The following CUL1 variants were observed in gnomAD, a reference collection of about 807,000 sequenced individuals.
CUL1 encodes the protein cullin-1.
A neutral mutation model predicts 118.0 loss-of-function variants in CUL1; 24 were observed. The ratio of observed to expected loss-of-function variants is 0.20; its 90% CI spans 0.15 to 0.29. CUL1 has a LOEUF of 0.29. CUL1 is among the 10% of genes least tolerant of loss of function. The pLI is 1.00. For missense variants in CUL1, 361 were observed against 933.8 expected, an observed-to-expected ratio of 0.39 and a Z score of 7.99; for synonymous variants, 332 against 340.4, an observed-to-expected ratio of 0.98 and a Z score of 0.27.
At chr7:148,725,776 ATTAG>A (rs1249006749) in intron 1 of CUL1, among the ~76,000 whole-genome samples, 1 of 152,172 alleles carries the variant, frequency 6.6e-6, no homozygotes, top group Non-Finnish European at 1.5e-5. Flanking sequence ...TCTTTGCTGT[ATTAG>A]TTATTAATGT....
At chr7:148,792,675 T>C (rs534533939) in intron 16 of CUL1, 51 bp from the exon 17 acceptor site, 74 of 1,344,852 alleles carry the variant, frequency 5.5e-5, no homozygotes, top group Non-Finnish European at 7.7e-5. Flanking sequence ...GGGAGGTGTT[T>C]CCATGCATGT....
At chr7:148,795,702 G>A (rs1036758506) in intron 17 of CUL1, among the ~76,000 whole-genome samples, 24 of 150,392 alleles carry the variant, frequency 1.6e-4, no homozygotes, top group Non-Finnish European at 1.3e-4. Flanking sequence ...CCCAGGAGGC[G>A]CAGCTTGCAG....
chr7:148,745,440 C>A (rs1036499558), intron 2 of CUL1, among the ~76,000 whole-genome samples: 1 of 152,188 alleles, frequency 6.6e-6, no homozygotes, highest in Admixed American at 6.5e-5. Flanking sequence ...CAACACTAGG[C>A]CACTTTTCAG....
At chr7:148,797,324 A>G (rs1801234326) in intron 17 of CUL1, among the ~76,000 whole-genome samples, 1 of 149,984 alleles carries the variant, frequency 6.7e-6, no homozygotes, top group East Asian at 2.0e-4. Flanking sequence ...CAGGTTCAAC[A>G]TCCCTAATCC....
chr7:148,753,914 T>A, intron 2 of CUL1, 62 bp from the exon 3 acceptor site: 1 of 1,264,102 alleles, frequency 7.9e-7, no homozygotes, highest in Non-Finnish European at 1.1e-6. Flanking sequence ...TAAGAAAATA[T>A]GTTTATGTTA....
intron 1 of CUL1, among the ~76,000 whole-genome samples, chr7:148,700,095 C>T (rs940866991): frequency 6.6e-6 from 1 of 152,200 alleles, no homozygotes; most frequent in African/African-American, 2.4e-5. Flanking sequence ...GATTGGGTCA[C>T]TCTTGGTTGC....
chr7:148,766,320 C>T (rs963202759), intron 7 of CUL1, among the ~76,000 whole-genome samples: 3 of 152,012 alleles, frequency 2.0e-5, no homozygotes, highest in South Asian at 2.1e-4. Flanking sequence ...GAGACAGGGT[C>T]GCACTGTGTT....
chr7:148,758,470 AT>A (rs1285254405), intron 4 of CUL1, among the ~76,000 whole-genome samples: 1 of 152,152 alleles, frequency 6.6e-6, no homozygotes, highest in African/African-American at 2.4e-5. Context: ...TACAAAAAAA[AT>A]ATCCAGGCAT....
At position 148,800,429 on chromosome 7, in the gene CUL1, T is replaced by C. The variant is rs780140248; in HGVS notation, c.2251-73T>C. 2.4e-4 allele frequency: 294 copies of C among 1,236,786 alleles called. No individual in the cohort carries two copies. Among genetic ancestry groups the C allele is most frequent in the Non-Finnish European group, 3.1e-4 (260 of 846,126 alleles). The allele number at this position is 1,236,786 out of a possible 1,614,324, so 76.6% of individuals were successfully genotyped here. A position where few individuals can be genotyped will look rare whatever the true frequency, so the allele number is the denominator to read the frequency against. Reference sequence around the variant, plus strand: ...GGGGAGATTTGTGGTGGGGGCAGCCTCTCTCTGTTCTGATGATAATTTGTG... The same window carrying C: ...GGGGAGATTTGTGGTGGGGGCAGCCCCTCTCTGTTCTGATGATAATTTGTG... On this transcript the variant is annotated intron_variant, in intron 21 of 21. Transcript: ENST00000325222. This position sits in a 1 kb window ranked among gnomAD's most constrained non-coding sequence, Gnocchi z 4.6.
In CUL1 at chr7:148,800,266, G is replaced by A. The variant is rs930475640; in HGVS notation, c.2251-236G>A. ...GAAGCACCTGACTCCAGTTCCTAGG[G>A]CGGGTGCAGGAGGGACTCGGAGTCA... On this transcript the variant is annotated intron_variant, in intron 21 of 21. Transcript: ENST00000325222. The surrounding 1 kb of genome is among the most constrained non-coding windows in gnomAD (Gnocchi z 4.6). Among the ~76,000 whole-genome samples the A allele has an allele frequency of 6.6e-6, 1 of 152,202 alleles. No homozygotes were observed. Among genetic ancestry groups the A allele is most frequent in the African/African-American group, 2.4e-5 (1 of 41,450 alleles).
At chr7:148,741,984 C>G (rs1799156003) in intron 2 of CUL1, among the ~76,000 whole-genome samples, 1 of 152,212 alleles carries the variant, frequency 6.6e-6, no homozygotes, top group South Asian at 2.1e-4. Flanking sequence ...TCCACAGATT[C>G]ATGAGTTTAT....
chr7:148,719,897 TAAG>T (rs1208027136), intron 1 of CUL1, among the ~76,000 whole-genome samples: 1 of 152,196 alleles, frequency 6.6e-6, no homozygotes, highest in Non-Finnish European at 1.5e-5. Context: ...GCACACTTCT[TAAG>T]GAGGTGGAAT....
chr7:148,730,248 T>C lies in CUL1; in HGVS notation c.126T>C (p.Tyr42=). ...YTRQSMAKSR[Y]MELYTHVYNY... ...GGCAGAGCATGGCCAAGTCCAGATA[T>C]ATGGAGCTCTACACGTATCCTCCTG... Residue 42 remains tyrosine, a synonymous_variant, in exon 2 of 22, where the codon TAT becomes TAC. Transcript: ENST00000325222. The C allele has an allele frequency of 3.2e-6, 5 of 1,585,982 alleles. No individual in the cohort carries two copies. The highest frequency in any genetic ancestry group is 2.6e-6 in the Non-Finnish European group (3 of 1,165,792).
intron 14 of CUL1, among the ~76,000 whole-genome samples, chr7:148,788,965 C>G (rs982506529): frequency 2.0e-5 from 3 of 152,046 alleles, no homozygotes; most frequent in Admixed American, 6.5e-5. Flanking sequence ...AGCTTGGATC[C>G]ATTCTAGCAT....
At chr7:148,794,267 A>G (rs1413303763) in intron 17 of CUL1, among the ~76,000 whole-genome samples, 2 of 151,070 alleles carry the variant, frequency 1.3e-5, no homozygotes, top group African/African-American at 4.9e-5. Context: ...TTTTCTTTAT[A>G]TTGTTTGTGG....
chr7:148,765,902 T>TG (rs1478868601), intron 7 of CUL1, among the ~76,000 whole-genome samples: 1 of 152,220 alleles, frequency 6.6e-6, no homozygotes, highest in Non-Finnish European at 1.5e-5. Flanking sequence ...GCACAGAAGA[T>TG]GCATTCATTT....
intron 9 of CUL1, among the ~76,000 whole-genome samples, chr7:148,782,481 C>G (rs1368006666): frequency 6.6e-6 from 1 of 152,074 alleles, no homozygotes; most frequent in Non-Finnish European, 1.5e-5. Context: ...TGCAATACTG[C>G]CTTTCAATAT....
At position 148,795,082 on chromosome 7, in the gene CUL1, C is replaced by T. The variant is rs189137912; in HGVS notation, c.1899+2264C>T. Reference sequence around the variant, plus strand: ...TCCTGACCTCAAGTGATCTGCCTGCCTCGGCCTCCCAAAGTGCTGGGATTA... The same window carrying T: ...TCCTGACCTCAAGTGATCTGCCTGCTTCGGCCTCCCAAAGTGCTGGGATTA... On this transcript the variant is annotated intron_variant, in intron 17 of 21. Transcript: ENST00000325222. 5.3e-4 allele frequency among the ~76,000 whole-genome samples: 81 copies of T among 152,294 alleles called. 1 individual carries two copies. Among genetic ancestry groups the T allele is most frequent in the African/African-American group, 1.9e-3 (78 of 41,550 alleles).
At chr7:148,793,351 G>A (rs900257073) in intron 17 of CUL1, among the ~76,000 whole-genome samples, 5 of 152,126 alleles carry the variant, frequency 3.3e-5, no homozygotes, top group African/African-American at 1.2e-4. Context: ...ATTTTAAAGT[G>A]TACAAAGTGG....
Sources: allele counts gnomAD v4.1 joint callset (sites outside exome capture counted in the v4.1 genomes callset), GRCh38; gene constraint gnomAD v4.1.1; non-coding constraint Gnocchi (gnomAD v3.1); transcripts MANE v1.5; gene names NCBI Gene and HGNC (gene_info 2026-07-23, HGNC 2026-07-21).